NRG3: variants seen among roughly 807,000 people sequenced by gnomAD.
NRG3 encodes pro-neuregulin-3, membrane-bound isoform.
In NRG3, 31 loss-of-function variants were observed where a neutral mutation model predicts 66.9. The ratio of observed to expected loss-of-function variants is 0.46; its 90% CI spans 0.35 to 0.63. NRG3 has a LOEUF of 0.63. Ranked by LOEUF, NRG3 falls within the 20% of genes least tolerant of loss-of-function variation. NRG3 has a pLI of 0.00. For missense variants in NRG3, 910 were observed against 878.9 expected (o/e 1.04, Z -0.45); for synonymous variants, 393 against 359.4 (o/e 1.09, Z -1.06).
At chr10:82,728,392 TC>T (rs766812155) in intron 2 of NRG3, among the ~76,000 whole-genome samples, 12 of 152,160 alleles carry the variant, frequency 7.9e-5, no homozygotes, top group East Asian at 5.8e-4. Context: ...TATGCTGTTC[TC>T]ATGATACTAA....
At chr10:82,249,612 C>T (rs563278580) in intron 1 of NRG3, among the ~76,000 whole-genome samples, 1 of 152,164 alleles carries the variant, frequency 6.6e-6, no homozygotes, top group East Asian at 1.9e-4. Context: ...CACTTGTCTG[C>T]CAGAAGTGGG....
At chr10:82,646,395 G>A (rs1020547453) in intron 2 of NRG3, among the ~76,000 whole-genome samples, 8 of 152,120 alleles carry the variant, frequency 5.3e-5, no homozygotes, top group African/African-American at 1.7e-4. Context: ...CCTTCACTGT[G>A]TTCCAACTTC....
intron 1 of NRG3, among the ~76,000 whole-genome samples, chr10:82,199,180 A>AAG: frequency 6.6e-6 from 1 of 151,252 alleles, no homozygotes; most frequent in South Asian, 2.1e-4. Context: ...CGGAAAAAAA[A>AAG]AAAAAAGAAA....
At chr10:82,353,428 T>G (rs2083559025) in intron 1 of NRG3, among the ~76,000 whole-genome samples, 1 of 152,150 alleles carries the variant, frequency 6.6e-6, no homozygotes. Flanking sequence ...ACCCAACATT[T>G]TCTTCCCATT....
intron 4 of NRG3, among the ~76,000 whole-genome samples, chr10:82,909,020 T>C (rs554759225): frequency 6.6e-6 from 1 of 151,470 alleles, no homozygotes; most frequent in South Asian, 2.1e-4. Flanking sequence ...TGGACCCCAT[T>C]AGCACTGTCC....
intron 1 of NRG3, among the ~76,000 whole-genome samples, chr10:81,909,222 A>T (rs1245722333): frequency 6.6e-6 from 1 of 152,040 alleles, no homozygotes; most frequent in Non-Finnish European, 1.5e-5. Flanking sequence ...CTATGTTTCT[A>T]TGTTCAAATT....
intron 3 of NRG3, among the ~76,000 whole-genome samples, chr10:82,771,661 T>A (rs922678543): frequency 6.6e-5 from 10 of 152,196 alleles, no homozygotes; most frequent in African/African-American, 2.2e-4. Context: ...ACCAAAATTA[T>A]TAATACTTAA....
At chr10:81,985,522 C>A (rs2133511543) in intron 1 of NRG3, among the ~76,000 whole-genome samples, 1 of 152,298 alleles carries the variant, frequency 6.6e-6, no homozygotes, top group African/African-American at 2.4e-5. Context: ...CCCAGCAATT[C>A]TTAAAAATGT....
At chr10:81,947,729 A>T (rs1848976744) in intron 1 of NRG3, among the ~76,000 whole-genome samples, 1 of 151,910 alleles carries the variant, frequency 6.6e-6, no homozygotes, top group Non-Finnish European at 1.5e-5. Context: ...GAAGTGTATG[A>T]CCTAGTCTAA....
In NRG3 at chr10:82,963,675, G is replaced by A. The variant is rs554028941; in HGVS notation, c.1284+4600G>A. Among the ~76,000 whole-genome samples the A allele has an allele frequency of 8.3e-4, 124 of 149,638 alleles. 2 individuals carry two copies. The highest frequency in any genetic ancestry group is 7.9e-3 in the Admixed American group (119 of 14,974). ...AGCCTGGGTGACAGAGCGAGACAAC[G>A]TCTCAAAAAAAAATAAAAAAGAATT... On this transcript the variant is annotated intron_variant, in intron 6 of 8. Coordinates refer to ENST00000372141, the MANE Select transcript of NRG3 (RefSeq NM_001010848.4).
chr10:82,655,651 A>G (rs1240914944), intron 2 of NRG3, among the ~76,000 whole-genome samples: 5 of 152,216 alleles, frequency 3.3e-5, no homozygotes, highest in Non-Finnish European at 7.4e-5. Flanking sequence ...TTTATCCTAC[A>G]TATCTATTTA....
At chr10:82,965,305 G>T (rs577771754) in intron 6 of NRG3, among the ~76,000 whole-genome samples, 1 of 152,270 alleles carries the variant, frequency 6.6e-6, no homozygotes, top group East Asian at 1.9e-4. Context: ...CATTGTAGAG[G>T]ATGCTAATAG....
chr10:82,531,461 T>C (rs965931994), intron 2 of NRG3, among the ~76,000 whole-genome samples: 7 of 151,884 alleles, frequency 4.6e-5, no homozygotes, highest in African/African-American at 1.2e-4. Flanking sequence ...ATATTGTTTA[T>C]ATATTTTAGA....
intron 2 of NRG3, among the ~76,000 whole-genome samples, chr10:82,709,301 T>A (rs2056507821): frequency 6.6e-6 from 1 of 152,152 alleles, no homozygotes; most frequent in African/African-American, 2.4e-5. Flanking sequence ...AGAGCTATAA[T>A]CCCAGGTGTC....
chr10:82,742,565 C>A (rs1342120992), intron 3 of NRG3, among the ~76,000 whole-genome samples: 1 of 152,120 alleles, frequency 6.6e-6, no homozygotes, highest in African/African-American at 2.4e-5. Context: ...GCATTCAGAT[C>A]ATGAGGCTGA....
intron 2 of NRG3, among the ~76,000 whole-genome samples, chr10:82,457,368 C>T (rs2091313416): frequency 6.6e-6 from 1 of 152,146 alleles, no homozygotes; most frequent in Admixed American, 6.5e-5. Flanking sequence ...GCCTAGATCC[C>T]TCACATGTGC....
At chr10:82,895,486 C>CT (rs57655284) in intron 4 of NRG3, among the ~76,000 whole-genome samples, 26,988 of 128,048 alleles carry the variant, frequency 0.21, 3,647 homozygotes, top group Middle Eastern at 0.34. Flanking sequence ...CAATAACATT[C>CT]TTTTTTTTTT....
At chr10:82,953,676 T>G (rs1849741748) in intron 5 of NRG3, among the ~76,000 whole-genome samples, 1 of 151,870 alleles carries the variant, frequency 6.6e-6, no homozygotes, top group Non-Finnish European at 1.5e-5. Flanking sequence ...TTGTTAAGGA[T>G]TAAATGCAAT....
At chr10:82,175,112 C>A (rs1390012861) in intron 1 of NRG3, among the ~76,000 whole-genome samples, 2 of 152,126 alleles carry the variant, frequency 1.3e-5, no homozygotes, top group Non-Finnish European at 2.9e-5. Flanking sequence ...TTAAGACCTA[C>A]CCTTATATGG....
Sources: allele counts gnomAD v4.1 joint callset (sites outside exome capture counted in the v4.1 genomes callset), GRCh38; gene constraint gnomAD v4.1.1; transcripts MANE v1.5; gene names NCBI Gene and HGNC (gene_info 2026-07-23, HGNC 2026-07-21).